Variants in F13A1 observed in about 807,000 individuals in gnomAD.
The protein encoded by F13A1 is FSF, A subunit.
A neutral mutation model predicts 80.1 loss-of-function variants in F13A1; 47 were observed. The observed-to-expected ratio is 0.59, with a 90% CI of 0.46 to 0.75. F13A1 has a LOEUF of 0.75. Ranked by LOEUF, F13A1 falls within the 30% of genes least tolerant of loss-of-function variation. The pLI is 0.00. For synonymous variants in F13A1, 349 were observed against 344.9 expected (o/e 1.01, Z -0.13); for missense variants, 817 against 930.4 (o/e 0.88, Z 1.59).
chr6:6,256,753 CT>C (rs1440538454), intron 4 of F13A1, among the ~76,000 whole-genome samples: 1 of 152,090 alleles, frequency 6.6e-6, no homozygotes, highest in African/African-American at 2.4e-5. Context: ...ATTTTAGTAT[CT>C]GTATAACCTC....
intron 7 of F13A1, 34 bp from the exon 8 acceptor site, chr6:6,222,205 C>T: frequency 6.2e-7 from 1 of 1,613,536 alleles, no homozygotes; most frequent in Non-Finnish European, 8.5e-7. Flanking sequence ...CTAAACACAT[C>T]ACCAGCATTT....
chr6:6,305,636 G>T (rs1205132239), intron 2 of F13A1, 97 bp from the exon 3 acceptor site: 2 of 1,275,628 alleles, frequency 1.6e-6, no homozygotes, highest in Non-Finnish European at 2.2e-6. Flanking sequence ...AAGAAGGCAG[G>T]TAGCAAGGTC....
chr6:6,289,594 T>G (rs1170022739), intron 3 of F13A1, among the ~76,000 whole-genome samples: 1 of 152,082 alleles, frequency 6.6e-6, no homozygotes, highest in African/African-American at 2.4e-5. Flanking sequence ...CCCCCTTGAG[T>G]CTCTTACTAA....
chr6:6,255,398 C>T (rs889869437), intron 4 of F13A1, among the ~76,000 whole-genome samples: 1 of 152,124 alleles, frequency 6.6e-6, no homozygotes, highest in African/African-American at 2.4e-5. Flanking sequence ...CATAACTTTT[C>T]CAAGGTCATG....
At position 6,189,557 on chromosome 6, in the gene F13A1, TC is replaced by T. The variant is rs1209789595; in HGVS notation, c.1305+6239del. 3.5e-5 allele frequency among the ~76,000 whole-genome samples: 5 copies of T among 144,734 alleles called. 1 individual carries two copies. Among genetic ancestry groups the T allele is most frequent in the Non-Finnish European group, 7.7e-5 (5 of 65,324 alleles). 95.0% of individuals were successfully genotyped at this position (144,734 alleles called of 152,430 possible). On this transcript the variant is annotated intron_variant, in intron 10 of 14. Coordinates refer to ENST00000264870, the MANE Select transcript of F13A1 (RefSeq NM_000129.4). ...AAGAATGTTGAATATTGGCCCCCAC[TC>T]TCTTCTGGCTTGTAGAGTTTCTGCC...
intron 6 of F13A1, among the ~76,000 whole-genome samples, chr6:6,229,703 AC>A (rs1167065694): frequency 6.6e-6 from 1 of 152,158 alleles, no homozygotes; most frequent in African/African-American, 2.4e-5. Flanking sequence ...TCCTGAGAGG[AC>A]CACAGACTCT....
At chr6:6,303,316 C>CCAACT (rs1376092599) in intron 3 of F13A1, among the ~76,000 whole-genome samples, 2 of 152,090 alleles carry the variant, frequency 1.3e-5, no homozygotes, top group African/African-American at 4.8e-5. Context: ...AAAACCAAAG[C>CCAACT]CAAAGACAAC....
rs555098391 is a variant in F13A1 at position 6,306,880 on chromosome 6, T to C, written c.131-1341A>G. On this transcript the variant is annotated intron_variant, in intron 2 of 14. Transcript: ENST00000264870. ...AATCCTGTGCAGGATGCCTGGTCCCTTTGGACCCCATTGTGTTCCATAGTC... is the reference window on the plus strand; with the variant it reads ...AATCCTGTGCAGGATGCCTGGTCCCCTTGGACCCCATTGTGTTCCATAGTC... 1.7e-4 allele frequency among the ~76,000 whole-genome samples: 26 copies of C among 152,344 alleles called. No individual in the cohort carries two copies. The South Asian group carries it at 4.6e-3, about 27-fold the overall frequency.
intron 2 of F13A1, among the ~76,000 whole-genome samples, chr6:6,308,533 G>T (rs181379431): frequency 8.1e-5 from 12 of 148,414 alleles, no homozygotes; most frequent in Non-Finnish European, 1.5e-4. Flanking sequence ...GATATTGTCA[G>T]TGTCTTGGAT....
At chr6:6,296,922 T>C (rs1301499894) in intron 3 of F13A1, among the ~76,000 whole-genome samples, 2 of 148,652 alleles carry the variant, frequency 1.3e-5, no homozygotes, top group African/African-American at 5.2e-5. Flanking sequence ...ATACATCCCA[T>C]CAATACCTAA....
intron 12 of F13A1, among the ~76,000 whole-genome samples, chr6:6,169,659 T>C (rs1392177905): frequency 2.6e-5 from 4 of 152,098 alleles, no homozygotes; most frequent in Non-Finnish European, 4.4e-5. Flanking sequence ...TTTTTGATTG[T>C]CACAACTGGG....
At chr6:6,245,897 G>C (rs1275604037) in intron 6 of F13A1, among the ~76,000 whole-genome samples, 1 of 152,200 alleles carries the variant, frequency 6.6e-6, no homozygotes, top group African/African-American at 2.4e-5. Context: ...TGCAACCTGC[G>C]AATGGGATTT....
At chr6:6,229,709 G>T (rs938745966) in intron 6 of F13A1, among the ~76,000 whole-genome samples, 26 of 152,190 alleles carry the variant, frequency 1.7e-4, no homozygotes, top group Non-Finnish European at 3.4e-4. Flanking sequence ...GAGGACCACA[G>T]ACTCTCTGAA....
chr6:6,180,431 G>A (rs922344517), intron 11 of F13A1, among the ~76,000 whole-genome samples: 2 of 152,246 alleles, frequency 1.3e-5, no homozygotes, highest in Non-Finnish European at 2.9e-5. Context: ...GCTCTACACA[G>A]CACTGGAAGA....
intron 13 of F13A1, among the ~76,000 whole-genome samples, chr6:6,156,616 C>G (rs1179233026): frequency 6.6e-6 from 1 of 152,122 alleles, no homozygotes; most frequent in Admixed American, 6.6e-5. Flanking sequence ...TTCTTGTTTG[C>G]AAACTCTGCT....
At chr6:6,290,608 G>A (rs12195055) in intron 3 of F13A1, among the ~76,000 whole-genome samples, 12,547 of 152,224 alleles carry the variant, frequency 0.082, 672 homozygotes, top group Admixed American at 0.13. Context: ...TGATCCAACT[G>A]TATTTGATGA....
chr6:6,159,001 A>G (rs1239096694), intron 13 of F13A1, among the ~76,000 whole-genome samples: 1 of 147,990 alleles, frequency 6.8e-6, no homozygotes, highest in African/African-American at 2.5e-5. Flanking sequence ...TCCCAGGTTC[A>G]CGCCATTCTC....
At chr6:6,302,019 G>A (rs1299087320) in intron 3 of F13A1, among the ~76,000 whole-genome samples, 9 of 152,106 alleles carry the variant, frequency 5.9e-5, no homozygotes, top group African/African-American at 1.4e-4. Flanking sequence ...AACTTTCTGC[G>A]CACAAGTCTT....
intron 2 of F13A1, among the ~76,000 whole-genome samples, chr6:6,311,662 T>C (rs1758599720): frequency 4.7e-5 from 1 of 21,330 alleles, no homozygotes; most frequent in South Asian, 9.8e-4. Flanking sequence ...ATATTGTTCA[T>C]ATAAATTATA....
Sources: allele counts gnomAD v4.1 joint callset (sites outside exome capture counted in the v4.1 genomes callset), GRCh38; gene constraint gnomAD v4.1.1; transcripts MANE v1.5; gene names NCBI Gene and HGNC (gene_info 2026-07-23, HGNC 2026-07-21).